PCDH15: variants seen among roughly 807,000 people sequenced by gnomAD.
PCDH15 encodes protocadherin related 15.
PCDH15 carries 129 observed loss-of-function variants against 178.5 expected under a neutral mutation model. The ratio of observed to expected loss-of-function variants is 0.72; its 90% CI spans 0.63 to 0.84. The LOEUF (loss-of-function observed/expected upper bound fraction) is 0.84. Among genes scored for constraint, PCDH15 ranks in the 40% least tolerant of loss-of-function variants. PCDH15 has a pLI of 0.00. For synonymous variants in PCDH15, 800 were observed against 732.0 expected (o/e 1.09, Z -1.50); for missense variants, 2,230 against 2,099.9 (o/e 1.06, Z -1.21).
chr10:55,398,853 T>C (rs114557725), intron 2 of PCDH15, among the ~76,000 whole-genome samples: 1 of 152,040 alleles, frequency 6.6e-6, no homozygotes, highest in African/African-American at 2.4e-5. Context: ...TTTGCTCAAA[T>C]AATAAAATAA....
chr10:55,305,559 G>A (rs1014117535), intron 1 of PCDH15, among the ~76,000 whole-genome samples: 9 of 152,150 alleles, frequency 5.9e-5, no homozygotes, highest in African/African-American at 2.2e-4. Flanking sequence ...ATGGGAAGTT[G>A]AAGGATGACA....
At chr10:55,043,437 G>A (rs963103239) in intron 2 of PCDH15, among the ~76,000 whole-genome samples, 1 of 151,968 alleles carries the variant, frequency 6.6e-6, no homozygotes, top group Non-Finnish European at 1.5e-5. Flanking sequence ...AAAAGGCTGG[G>A]CACAGTGACA....
chr10:55,350,527 A>G (rs1423006940), intron 2 of PCDH15, among the ~76,000 whole-genome samples: 4 of 151,980 alleles, frequency 2.6e-5, no homozygotes, highest in African/African-American at 9.7e-5. Context: ...AGAAATAAGG[A>G]GAATGAAGTG....
chr10:54,672,792 A>C (rs1490907374), intron 1 of PCDH15, among the ~76,000 whole-genome samples: 1 of 152,102 alleles, frequency 6.6e-6, no homozygotes, highest in Non-Finnish European at 1.5e-5. Flanking sequence ...ATCTAGTTAC[A>C]ACTTTTCTGT....
intron 2 of PCDH15, among the ~76,000 whole-genome samples, chr10:54,654,198 A>G (rs999726498): frequency 1.3e-5 from 2 of 152,214 alleles, no homozygotes; most frequent in African/African-American, 4.8e-5. Flanking sequence ...GTGGACAGCA[A>G]GTTAAATAAT....
intron 2 of PCDH15, among the ~76,000 whole-genome samples, chr10:55,085,228 G>A (rs1456929941): frequency 6.6e-6 from 1 of 151,718 alleles, no homozygotes; most frequent in African/African-American, 2.4e-5. Flanking sequence ...GGGTACTGAA[G>A]GTCATTGTGT....
At chr10:55,362,705 T>C (rs935386781) in intron 2 of PCDH15, among the ~76,000 whole-genome samples, 10 of 152,140 alleles carry the variant, frequency 6.6e-5, no homozygotes, top group African/African-American at 9.7e-5. Flanking sequence ...ATTTTCTCTC[T>C]TGTGTAGATT....
intron 1 of PCDH15, among the ~76,000 whole-genome samples, chr10:54,780,151 G>A (rs1336343576): frequency 6.6e-6 from 1 of 152,164 alleles, no homozygotes; most frequent in Non-Finnish European, 1.5e-5. Flanking sequence ...ACTACTTCGT[G>A]TGAGGTGCCA....
At chr10:54,126,249 T>C (rs1227130057) in intron 15 of PCDH15, among the ~76,000 whole-genome samples, 1 of 152,076 alleles carries the variant, frequency 6.6e-6, no homozygotes, top group Admixed American at 6.6e-5. Context: ...TTTTGTATTT[T>C]TAGTAGAGAC....
chr10:54,090,053 C>T lies in PCDH15; in HGVS notation c.1928G>A (p.Arg643Gln), dbSNP rs771956446. The T allele has an allele frequency of 2.4e-5, 38 of 1,610,674 alleles. 1 individual carries two copies. The South Asian group carries it at 3.8e-4, about 16-fold the overall frequency. The change falls in exon 16 of 38, where the codon CGA becomes CAA. Residue 643 changes from arginine to glutamine, a missense_variant. By Grantham distance (43) the Arg-to-Gln change is conservative (BLOSUM62 1). Coordinates refer to ENST00000644397, the MANE Select transcript of PCDH15 (RefSeq NM_001384140.1). Reference sequence around the variant, plus strand: ...GGCATATGTTATTGAGTCTCCCTCTCGATCAGTTGCCTTCAGAGAGAAAAC... The same window carrying T: ...GGCATATGTTATTGAGTCTCCCTCTTGATCAGTTGCCTTCAGAGAGAAAAC... ...AVLLNLQATDREGDSITYAIE... is the reference protein window; with the variant it reads ...AVLLNLQATDQEGDSITYAIE...
At chr10:54,581,331 T>A (rs2091014767) in intron 2 of PCDH15, among the ~76,000 whole-genome samples, 1 of 152,096 alleles carries the variant, frequency 6.6e-6, no homozygotes, top group Non-Finnish European at 1.5e-5. Flanking sequence ...CAATCACATT[T>A]ACAATACCCA....
intron 3 of PCDH15, among the ~76,000 whole-genome samples, chr10:54,455,684 A>T (rs1183476657): frequency 6.6e-6 from 1 of 152,190 alleles, no homozygotes; most frequent in East Asian, 1.9e-4. Context: ...TTTTCTGGGG[A>T]GAAATTCAAG....
intron 3 of PCDH15, among the ~76,000 whole-genome samples, chr10:54,441,865 A>G (rs907339588): frequency 2.0e-5 from 3 of 151,846 alleles, no homozygotes; most frequent in Non-Finnish European, 4.4e-5. Flanking sequence ...ACAGTAACAG[A>G]AGAAGTTTAA....
intron 15 of PCDH15, among the ~76,000 whole-genome samples, chr10:54,098,190 TTGTGTGTGTGTGTGTGTGTGTG>T (rs35596789): frequency 3.4e-4 from 49 of 143,210 alleles, no homozygotes; most frequent in African/African-American, 1.2e-3. Context: ...GAAAATAAAG[TTGTGTGTGTGTGTGTGTGTGTG>T]TGTGTGTGTG....
At chr10:54,697,672 A>AGGGGAAG (rs1168406893) in intron 1 of PCDH15, among the ~76,000 whole-genome samples, 16 of 83,630 alleles carry the variant, frequency 1.9e-4, no homozygotes, top group African/African-American at 7.6e-4. Flanking sequence ...GGAAGGGGGA[A>AGGGGAAG]GGGGAAGGGA....
chr10:54,105,425 C>A (rs1460372590), intron 15 of PCDH15, among the ~76,000 whole-genome samples: 1 of 151,536 alleles, frequency 6.6e-6, no homozygotes, highest in Non-Finnish European at 1.5e-5. Context: ...CATGAGGTTT[C>A]ACAATAGGCT....
At chr10:55,506,239 T>C (rs1282485309) in intron 2 of PCDH15, 1 of 151,470 alleles carries the variant, frequency 6.6e-6, no homozygotes, top group African/African-American at 2.4e-5. Context: ...CATTCTTTGA[T>C]TGGATGGACA....
chr10:54,387,426 A>C (rs766831458), intron 3 of PCDH15, among the ~76,000 whole-genome samples: 1 of 152,218 alleles, frequency 6.6e-6, no homozygotes, highest in Non-Finnish European at 1.5e-5. Context: ...CACATGCTAC[A>C]ACATGGATCA....
chr10:53,811,559 A>G lies in PCDH15; in HGVS notation c.4552T>C (p.Tyr1518His). 6.4e-7 allele frequency: 1 copy of G among 1,560,918 alleles called. No homozygotes were observed. Among genetic ancestry groups the G allele is most frequent in the East Asian group, 2.3e-5 (1 of 42,794 alleles). Residue 1518 changes from tyrosine to histidine, a missense_variant, in exon 36 of 38, where the codon TAT becomes CAT. Coordinates refer to ENST00000644397, the MANE Select transcript of PCDH15 (RefSeq NM_001384140.1). Reference sequence around the variant, plus strand: ...AATCTGAAGATGTACCCATGCTCATAACTGTAATAATCTTGTCCATATTCC... The same window carrying G: ...AATCTGAAGATGTACCCATGCTCATGACTGTAATAATCTTGTCCATATTCC... ...GQEYGQDYYS[Y>H]EHGYEMPQYG...
Sources: gnomAD v4.1 joint callset for allele counts (sites outside exome capture counted in the v4.1 genomes callset) on GRCh38, gnomAD v4.1.1 for gene constraint, MANE v1.5 for transcripts, NCBI Gene and HGNC (gene_info 2026-07-23, HGNC 2026-07-21) for gene names.